The following CDC25B variants were observed in gnomAD, a reference collection of about 807,000 sequenced individuals.
CDC25B encodes the protein cell division cycle 25B.
CDC25B carries 33 observed loss-of-function variants against 69.8 expected under a neutral mutation model. The observed-to-expected ratio is 0.47, with a 90% CI of 0.36 to 0.63. CDC25B has a LOEUF of 0.63. Ranked by LOEUF, CDC25B falls within the 30% of genes least tolerant of loss-of-function variation. The probability of loss-of-function intolerance (pLI) is 0.00; values close to 1 mark genes in which losing one functional copy is unlikely to be tolerated. For missense variants in CDC25B, 727 were observed against 809.1 expected (o/e 0.90, Z 1.23); for synonymous variants, 341 against 314.6 (o/e 1.08, Z -0.89).
chr20:3,802,355 G>C lies in CDC25B; in HGVS notation c.1173G>C (p.Glu391Asp). Reference protein sequence around the residue: ...IENLLDSDHRELIGDYSKAFL... With the variant: ...IENLLDSDHRDLIGDYSKAFL... ...ACCTCCTGGACAGTGACCACCGAGAGCTGATTGGAGATTACTCTAAGGTAC... is the reference window on the plus strand; with the variant it reads ...ACCTCCTGGACAGTGACCACCGAGACCTGATTGGAGATTACTCTAAGGTAC... The change falls in exon 11 of 16, where the codon GAG (glutamate) becomes GAC (aspartate). Residue 391 changes from glutamate to aspartate, a missense_variant. Physicochemically the swap from Glu to Asp is conservative, Grantham distance 45. Around this residue, in one of 2 missense-constraint regions of CDC25B, gnomAD observed 359 missense variants for 463.4 expected, o/e 0.77. Coordinates refer to ENST00000245960, the MANE Select transcript of CDC25B (RefSeq NM_021873.4). 2 of 1,607,178 alleles carry C rather than the reference G, an allele frequency of 1.2e-6. No individual in the cohort carries two copies. Among genetic ancestry groups the C allele is most frequent in the Non-Finnish European group, 1.7e-6 (2 of 1,179,622 alleles).
Position 3,800,448 on chromosome 20 carries a change from A to G in CDC25B, c.423-14A>G, listed in dbSNP as rs763329080. 1 of 1,613,972 alleles carries G rather than the reference A, an allele frequency of 6.2e-7. No homozygotes were observed. Among genetic ancestry groups the G allele is most frequent in the Admixed American group, 1.7e-5 (1 of 59,994 alleles). On this transcript the variant is annotated splice_polypyrimidine_tract_variant and intron_variant, in intron 4 of 15. Coordinates refer to ENST00000245960, the MANE Select transcript of CDC25B (RefSeq NM_021873.4). ...CCTCTCCCAGCTCTCACCTGTCCCC[A>G]TTTCCTCCTGTAGCGAGCAGTTTGC...
In CDC25B at chr20:3,799,507, TGTGTGTGTGTGTGTGTGTGC is replaced by T. The variant is rs879617083; in HGVS notation, c.381-779_381-760del. Among the ~76,000 whole-genome samples the T allele has an allele frequency of 4.2e-3, 507 of 119,866 alleles. 12 individuals are homozygous for T. Among genetic ancestry groups the T allele is most frequent in the Admixed American group, 0.035 (448 of 12,904 alleles). The allele number at this position is 119,866 out of a possible 152,430, so 78.6% of individuals were successfully genotyped here. On this transcript the variant is annotated intron_variant, in intron 3 of 15. Transcript: ENST00000245960. ...AGCTGTGTGTGTGTGTGTGTGTGTG[TGTGTGTGTGTGTGTGTGTGC>T]GCGCGCGCGCGTAGATGCACAAAAG... is the stretch of plus-strand genomic sequence containing the variant.
rs956179130 is a variant in CDC25B at position 3,796,313 on chromosome 20, G to A, written c.-219G>A. The A allele has an allele frequency of 1.0e-5, 14 of 1,366,278 alleles. No homozygotes were observed. The highest frequency in any genetic ancestry group is 3.1e-5 in the East Asian group (1 of 32,170). The allele number at this position is 1,366,278 out of a possible 1,614,324, so 84.6% of individuals were successfully genotyped here. ...GGTGGAAGTGGCAGCTGCAACTAGA[G>A]GCTTCCCTGGCTGGTGCCTGAGCCC... is the stretch of plus-strand genomic sequence containing the variant. On this transcript the variant is annotated 5_prime_UTR_variant, in exon 1 of 16. Transcript: ENST00000245960.
Position 3,801,816 on chromosome 20 carries a change from G to T in CDC25B, c.921+14G>T. ...GAAGAGGAAAAGGTGGGCCTCTGGG[G>T]TGGCCCCCTCCGAATTTGGAGGCAT... On this transcript the variant is annotated intron_variant, in intron 9 of 15. Coordinates refer to ENST00000245960, the MANE Select transcript of CDC25B (RefSeq NM_021873.4). The T allele has an allele frequency of 6.3e-7, 1 of 1,594,156 alleles. No individual in the cohort carries two copies. The highest frequency in any genetic ancestry group is 8.5e-7 in the Non-Finnish European group (1 of 1,170,460).
At chr20:3,798,884 C>T (rs1416724579) in intron 3 of CDC25B, among the ~76,000 whole-genome samples, 1 of 152,236 alleles carries the variant, frequency 6.6e-6, no homozygotes, top group Non-Finnish European at 1.5e-5. Flanking sequence ...CCAAACAAAA[C>T]ACAGTTGCCT....
At chr20:3,787,836 T>TA (rs552786368) in intron 1 of CDC25B, among the ~76,000 whole-genome samples, 298 of 152,064 alleles carry the variant, frequency 2.0e-3, no homozygotes, top group African/African-American at 6.8e-3. Context: ...CCTCCAAGGT[T>TA]AAGGGCTCAA....
At chr20:3,787,511 C>G (rs1321242821) in intron 1 of CDC25B, among the ~76,000 whole-genome samples, 1 of 152,218 alleles carries the variant, frequency 6.6e-6, no homozygotes, top group East Asian at 1.9e-4. Flanking sequence ...TGGTGTGTCA[C>G]TTTCTGGGCT....
rs1317167566 is a variant in CDC25B at position 3,802,031 on chromosome 20, C to A, written c.1029C>A (p.Asp343Glu). ...GGCTGGAGCGGCCCCAGGACAGGGA[C>A]ACGCCCGTGCAGAATAAGCGGAGGC... ...LKRLERPQDR[D>E]TPVQNKRRRS... The change falls in exon 10 of 16, where the codon GAC becomes GAA. Residue 343 changes from aspartate (D) to glutamate (E), a missense_variant. Physicochemically the swap from Asp to Glu is conservative, Grantham distance 45 (BLOSUM62 2). This residue lies in a region of CDC25B where 359 missense variants were observed against 463.4 expected (regional missense o/e 0.77). Transcript: ENST00000245960. 1 of 1,583,576 alleles carries A rather than the reference C, an allele frequency of 6.3e-7. No individual in the cohort carries two copies. The highest frequency in any genetic ancestry group is 1.8e-5 in the Admixed American group (1 of 55,090).
Position 3,797,659 on chromosome 20 carries a change from C to T in CDC25B, c.238C>T (p.Arg80Cys), listed in dbSNP as rs750367173. 1.6e-5 allele frequency: 26 copies of T among 1,614,118 alleles called. No individual in the cohort carries two copies. The highest frequency in any genetic ancestry group is 3.3e-5 in the South Asian group (3 of 91,090). ...PKSQVGTLLF[R>C]SRSRLTHLSL... ...GAGTCAGGTAGGGACCCTGCTCTTCCGCAGCCGCAGCCGCCTGACGCACCT... is the reference window on the plus strand; with the variant it reads ...GAGTCAGGTAGGGACCCTGCTCTTCTGCAGCCGCAGCCGCCTGACGCACCT... Residue 80 changes from arginine to cysteine, a missense_variant, in exon 2 of 16, where the codon CGC (arginine) becomes TGC (cysteine). Transcript: ENST00000245960.
At chr20:3,799,523 T>C (rs767739557) in intron 3 of CDC25B, among the ~76,000 whole-genome samples, 3,066 of 56,658 alleles carry the variant, frequency 0.054, 86 homozygotes, top group African/African-American at 0.17. Flanking sequence ...TGTGTGTGTG[T>C]GTGCGCGCGC....
rs752340677 is a variant in CDC25B at position 3,803,237 on chromosome 20, A to C, written c.1356+31A>C. ...ATGGGGCAATGGGGAGAGGCCCTGA[A>C]GATCCCACCTGGTTTAGGTCCTTGC... On this transcript the variant is annotated intron_variant, in intron 13 of 15. Transcript: ENST00000245960. This position sits in a 1 kb window ranked among gnomAD's most constrained non-coding sequence, Gnocchi z 4.9. 6.3e-7 allele frequency: 1 copy of C among 1,586,970 alleles called. No homozygotes were observed. The highest frequency in any genetic ancestry group is 2.2e-5 in the East Asian group (1 of 44,680).
chr20:3,789,517 T>A (rs1026810085), intron 1 of CDC25B, among the ~76,000 whole-genome samples: 1 of 152,054 alleles, frequency 6.6e-6, no homozygotes. Context: ...ATCACAGGTG[T>A]ACACCACCAT....
At chr20:3,794,006 C>T (rs1287738736), upstream of CDC25B, among the ~76,000 whole-genome samples, 11 of 147,020 alleles carry the variant, frequency 7.5e-5, no homozygotes, top group Admixed American at 5.4e-4. Context: ...CATTGTTGGA[C>T]ATTTGGGTTG....
chr20:3,790,533 C>T (rs917955970), intron 1 of CDC25B, among the ~76,000 whole-genome samples: 2 of 149,102 alleles, frequency 1.3e-5, no homozygotes, highest in Non-Finnish European at 3.0e-5. Context: ...TAAAAGTTAA[C>T]ATCTCGGGCT....
chr20:3,787,403 A>C (rs1048524952), intron 1 of CDC25B, among the ~76,000 whole-genome samples: 2 of 152,212 alleles, frequency 1.3e-5, no homozygotes, highest in Non-Finnish European at 2.9e-5. Context: ...AGTTATTTTT[A>C]AAATCAGCAT....
At chr20:3,795,535 G>T (rs2089006284), upstream of CDC25B, among the ~76,000 whole-genome samples, 1 of 152,210 alleles carries the variant, frequency 6.6e-6, no homozygotes, top group South Asian at 2.1e-4. Flanking sequence ...CGCCTCTCTG[G>T]TTGCTGACAC....
At chr20:3,787,090 A>C (rs1176803624) in exon 1 of CDC25B, 1 of 634,534 alleles carries the variant, frequency 1.6e-6, no homozygotes, top group Non-Finnish European at 2.8e-6. Context: ...GAACCTGAAA[A>C]ATTCAAGAAG....
rs2089452967 is a variant in CDC25B, at chr20:3,805,676, T to C, written c.*715T>C. The C allele has an allele frequency of 2.5e-6, 1 of 402,084 alleles. No homozygotes were observed. The allele number at this position is 402,084 out of a possible 1,614,324, so 24.9% of individuals were successfully genotyped here. A position where few individuals can be genotyped will look rare whatever the true frequency, so the allele number is the denominator to read the frequency against. ...GCCCCAGAAAGGGATGTTATTATCC[T>C]TGGGGGCTCCCAGGGCAAGGGTTAA... On this transcript the variant is annotated 3_prime_UTR_variant, in exon 16 of 16. Transcript: ENST00000245960.
At position 3,805,018 on chromosome 20, in the gene CDC25B, C is replaced by G. The variant is rs558204135; in HGVS notation, c.*57C>G. 1.3e-6 allele frequency: 2 copies of G among 1,565,894 alleles called. No individual in the cohort carries two copies. Among genetic ancestry groups the G allele is most frequent in the Admixed American group, 3.6e-5 (2 of 56,330 alleles). On this transcript the variant is annotated 3_prime_UTR_variant, in exon 16 of 16. Transcript: ENST00000245960. ...CCTTTCGAGGCCTGAAGCCAGCTGC[C>G]CTATGGGCCTGCCGGGCTGAGGGCC...
Sources: allele counts gnomAD v4.1 joint callset (sites outside exome capture counted in the v4.1 genomes callset), GRCh38; gene constraint gnomAD v4.1.1; regional missense constraint gnomAD v4.1.1; non-coding constraint Gnocchi (gnomAD v3.1); transcripts MANE v1.5; gene names NCBI Gene and HGNC (gene_info 2026-07-23, HGNC 2026-07-21).